JAZF1: variants seen among roughly 807,000 people sequenced by gnomAD.
JAZF1 encodes the protein juxtaposed with another zinc finger protein 1.
Under a neutral mutation model 26.4 loss-of-function variants are expected in JAZF1, and 8 were observed. The observed-to-expected ratio is 0.30, with a 90% confidence interval of 0.18 to 0.55. The LOEUF is 0.55. Ranked by LOEUF, JAZF1 falls within the 20% of genes least tolerant of loss-of-function variation. The pLI, the probability that JAZF1 is intolerant of heterozygous loss-of-function variation, is 0.94. For synonymous variants in JAZF1, 126 were observed against 122.3 expected (o/e 1.03, Z -0.20); for missense variants, 199 against 322.0 (o/e 0.62, Z 2.92).
At chr7:28,127,097 C>G (rs112348885) in intron 1 of JAZF1, among the ~76,000 whole-genome samples, 2 of 152,194 alleles carry the variant, frequency 1.3e-5, no homozygotes, top group Non-Finnish European at 2.9e-5. Flanking sequence ...AGTTCTGAAG[C>G]TTGCTTTTCA....
intron 1 of JAZF1, among the ~76,000 whole-genome samples, chr7:28,146,280 C>A (rs956451699): frequency 6.6e-6 from 1 of 152,204 alleles, no homozygotes; most frequent in African/African-American, 2.4e-5. Flanking sequence ...ATTAGAACAA[C>A]ATTAAATTAA....
intron 2 of JAZF1, among the ~76,000 whole-genome samples, chr7:27,986,072 T>C (rs1436053567): frequency 6.6e-6 from 1 of 152,206 alleles, no homozygotes; most frequent in African/African-American, 2.4e-5. Flanking sequence ...ATGTCCTCTC[T>C]CACCACTCCT....
intron 3 of JAZF1, among the ~76,000 whole-genome samples, chr7:27,865,398 G>A (rs952334778): frequency 3.3e-5 from 5 of 152,084 alleles, no homozygotes; most frequent in Admixed American, 6.5e-5. Flanking sequence ...CAAAAGAGAT[G>A]TGTTCATGAA....
chr7:27,948,105 G>A (rs1397908409), intron 2 of JAZF1, among the ~76,000 whole-genome samples: 1 of 152,140 alleles, frequency 6.6e-6, no homozygotes, highest in Non-Finnish European at 1.5e-5. Context: ...CTGGGCTGGT[G>A]ATATTCGGGT....
At chr7:28,068,628 T>C (rs1397323492) in intron 1 of JAZF1, among the ~76,000 whole-genome samples, 2 of 152,102 alleles carry the variant, frequency 1.3e-5, no homozygotes, top group African/African-American at 4.8e-5. Context: ...ATTGAGAGGT[T>C]TACATTATAG....
intron 1 of JAZF1, among the ~76,000 whole-genome samples, chr7:28,004,436 C>T (rs1424876874): frequency 6.6e-6 from 1 of 152,010 alleles, no homozygotes; most frequent in Non-Finnish European, 1.5e-5. Context: ...AGGACCCATC[C>T]CCAAAGATTC....
At chr7:27,860,798 G>A (rs1783366406) in intron 3 of JAZF1, among the ~76,000 whole-genome samples, 1 of 152,144 alleles carries the variant, frequency 6.6e-6, no homozygotes, top group Non-Finnish European at 1.5e-5. Context: ...TGGACTGTAA[G>A]CCTCCTCTCA....
intron 1 of JAZF1, among the ~76,000 whole-genome samples, chr7:28,143,262 G>T (rs568406024): frequency 3.9e-5 from 6 of 152,208 alleles, no homozygotes; most frequent in African/African-American, 1.4e-4. Context: ...TGATACTTGT[G>T]TGTCTTCAGA....
intron 1 of JAZF1, among the ~76,000 whole-genome samples, chr7:27,993,157 C>T (rs1785938158): frequency 1.3e-5 from 2 of 152,148 alleles, no homozygotes; most frequent in African/African-American, 2.4e-5. Flanking sequence ...ATTGTTTTTT[C>T]TATGCCAAGA....
intron 3 of JAZF1, among the ~76,000 whole-genome samples, chr7:27,879,039 T>G (rs1311885877): frequency 6.6e-6 from 1 of 152,202 alleles, no homozygotes; most frequent in African/African-American, 2.4e-5. Context: ...ACTCTGTCAA[T>G]GCATAGATGG....
chr7:28,103,019 G>A (rs1036254197), intron 1 of JAZF1, among the ~76,000 whole-genome samples: 2 of 152,158 alleles, frequency 1.3e-5, no homozygotes, highest in Non-Finnish European at 2.9e-5. Context: ...TTGGGCCTCA[G>A]CTTACGACCG....
chr7:28,131,333 T>C (rs1248440503), intron 1 of JAZF1, among the ~76,000 whole-genome samples: 1 of 151,668 alleles, frequency 6.6e-6, no homozygotes, highest in African/African-American at 2.4e-5. Flanking sequence ...AAAATCTAAA[T>C]GAGTATACCT....
chr7:28,151,094 G>GAT (rs148248800), intron 1 of JAZF1, among the ~76,000 whole-genome samples: 2 of 76,876 alleles, frequency 2.6e-5, no homozygotes, highest in Non-Finnish European at 2.2e-5. Flanking sequence ...GGGGATTTTC[G>GAT]ATATATATAT....
At chr7:27,955,959 C>T (rs1456760404) in intron 2 of JAZF1, among the ~76,000 whole-genome samples, 1 of 152,180 alleles carries the variant, frequency 6.6e-6, no homozygotes, top group African/African-American at 2.4e-5. Flanking sequence ...TTTGGAAGAG[C>T]ATCTCATGGG....
At chr7:28,178,929 C>T (rs1783588419) in intron 1 of JAZF1, among the ~76,000 whole-genome samples, 1 of 152,230 alleles carries the variant, frequency 6.6e-6, no homozygotes, top group Admixed American at 6.5e-5. Flanking sequence ...ATCTCCTATT[C>T]CGGATGGCCC....
intron 1 of JAZF1, among the ~76,000 whole-genome samples, chr7:28,016,032 G>A (rs1414251266): frequency 1.3e-5 from 2 of 152,186 alleles, no homozygotes; most frequent in Non-Finnish European, 2.9e-5. Flanking sequence ...TCCAGACAGT[G>A]ACGGCATTTT....
At chr7:28,139,215 T>G (rs1782928245) in intron 1 of JAZF1, among the ~76,000 whole-genome samples, 1 of 152,122 alleles carries the variant, frequency 6.6e-6, no homozygotes, top group Non-Finnish European at 1.5e-5. Flanking sequence ...AGCTGCCAAG[T>G]TTTTCATGGA....
intron 1 of JAZF1, among the ~76,000 whole-genome samples, chr7:28,116,219 A>G (rs1784739693): frequency 6.6e-6 from 1 of 152,184 alleles, no homozygotes; most frequent in Non-Finnish European, 1.5e-5. Context: ...CGATAGATGA[A>G]AACTGGCCGA....
chr7:27,848,756 T>A (rs912868648), intron 3 of JAZF1, among the ~76,000 whole-genome samples: 5 of 152,246 alleles, frequency 3.3e-5, no homozygotes, highest in African/African-American at 1.2e-4. Flanking sequence ...GTTTTTTGAT[T>A]TGGCCTCCTT....
Sources: gnomAD v4.1 joint callset for allele counts (sites outside exome capture counted in the v4.1 genomes callset) on GRCh38, gnomAD v4.1.1 for gene constraint, MANE v1.5 for transcripts, NCBI Gene and HGNC (gene_info 2026-07-23, HGNC 2026-07-21) for gene names.